The following GPR137C variants were observed in gnomAD, a reference collection of about 807,000 sequenced individuals.
The protein encoded by GPR137C is G protein-coupled receptor 137C.
GPR137C carries 27 observed loss-of-function variants against 43.4 expected under a neutral mutation model. The ratio of observed to expected loss-of-function variants is 0.62; its 90% confidence interval spans 0.46 to 0.86. The LOEUF (loss-of-function observed/expected upper bound fraction) is 0.86, where lower values mean the gene tolerates loss of function less well. GPR137C is among the 40% of genes least tolerant of loss of function. The probability of loss-of-function intolerance (pLI) is 0.00; values close to 1 mark genes in which losing one functional copy is unlikely to be tolerated. For missense variants in GPR137C, 522 were observed against 534.6 expected, an observed-to-expected ratio of 0.98 and a Z score of 0.23; for synonymous variants, 285 against 226.9, an observed-to-expected ratio of 1.26 and a Z score of -2.30.
intron 3 of GPR137C, chr14:52,611,623 G>T (rs1222692255): frequency 1.1e-5 from 6 of 525,728 alleles, no homozygotes; most frequent in African/African-American, 6.2e-5. Flanking sequence ...AACTTTTTTT[G>T]ACTTTTTAGT....
At position 52,553,332 on chromosome 14, in the gene GPR137C, C is replaced by G; in HGVS notation, c.185C>G (p.Ala62Gly). 1.9e-6 allele frequency: 3 copies of G among 1,597,962 alleles called. No homozygotes were observed. Among genetic ancestry groups the G allele is most frequent in the Non-Finnish European group, 2.5e-6 (3 of 1,176,894 alleles). ...LHALLYAALF[A>G]FAYLQLWRLL... Reference sequence around the variant, plus strand: ...GCCCTGCTCTACGCCGCGCTGTTCGCCTTTGCCTACCTGCAGCTGTGGCGG... The same window carrying G: ...GCCCTGCTCTACGCCGCGCTGTTCGGCTTTGCCTACCTGCAGCTGTGGCGG... The change falls in exon 1 of 7, where the codon GCC (alanine) becomes GGC (glycine). Residue 62 changes from alanine (A) to glycine (G), a missense_variant. By Grantham distance (60) the Ala-to-Gly change is moderately conservative. Coordinates refer to ENST00000321662, the MANE Select transcript of GPR137C (RefSeq NM_001099652.2).
chr14:52,615,583 C>T (rs1285688821), intron 3 of GPR137C, among the ~76,000 whole-genome samples: 1 of 151,468 alleles, frequency 6.6e-6, no homozygotes, highest in East Asian at 1.9e-4. Context: ...TTGATTCTTC[C>T]AATCCATGAA....
intron 1 of GPR137C, among the ~76,000 whole-genome samples, chr14:52,580,011 A>G (rs2139481508): frequency 6.6e-6 from 1 of 152,362 alleles, no homozygotes; most frequent in South Asian, 2.1e-4. Context: ...CCAGATTTCC[A>G]AATGCCAGCC....
chr14:52,553,801 C>G (rs1229457742), intron 1 of GPR137C, among the ~76,000 whole-genome samples: 1 of 152,124 alleles, frequency 6.6e-6, no homozygotes. Flanking sequence ...GGGGTTCGGG[C>G]TAGGGGGTGA....
chr14:52,553,623 G>A (rs1361202190), intron 1 of GPR137C, 32 bp downstream of exon 1: 5 of 1,512,614 alleles, frequency 3.3e-6, no homozygotes, highest in Non-Finnish European at 4.4e-6. Flanking sequence ...GCGGGGCCCG[G>A]GCGGGTGCGC....
intron 3 of GPR137C, among the ~76,000 whole-genome samples, chr14:52,616,728 A>G (rs1192225981): frequency 2.0e-5 from 3 of 152,184 alleles, no homozygotes; most frequent in African/African-American, 7.2e-5. Context: ...TAAACTCTCA[A>G]CTGTTAAATT....
intron 4 of GPR137C, among the ~76,000 whole-genome samples, chr14:52,632,838 TCTAA>T (rs2039310364): frequency 6.6e-6 from 1 of 152,112 alleles, no homozygotes; most frequent in African/African-American, 2.4e-5. Flanking sequence ...TTCCCAGTAC[TCTAA>T]CTACGCATAT....
chr14:52,553,193 G>T lies in GPR137C; in HGVS notation c.46G>T (p.Ala16Ser). Residue 16 changes from alanine to serine, a missense_variant, in exon 1 of 7, where the codon GCC becomes TCC. Ala to Ser is a moderately conservative substitution (Grantham distance 99). Transcript: ENST00000321662. ...TCCGGCGGCCGCTGCCGCCCCCGCA[G>T]CCGGCCGCGAGCCCTCCACGCCCGG... ...PGPAAAAAPA[A>S]GREPSTPGGG... 2 of 1,209,830 alleles carry T rather than the reference G, an allele frequency of 1.7e-6. No homozygotes were observed. The highest frequency in any genetic ancestry group is 2.1e-6 in the Non-Finnish European group (2 of 974,804). The allele number at this position is 1,209,830 out of a possible 1,614,324, so 74.9% of individuals were successfully genotyped here. A position where few individuals can be genotyped will look rare whatever the true frequency, so the allele number is the denominator to read the frequency against.
chr14:52,580,966 A>G (rs1471683429), intron 1 of GPR137C, among the ~76,000 whole-genome samples: 1 of 150,868 alleles, frequency 6.6e-6, no homozygotes, highest in East Asian at 1.9e-4. Flanking sequence ...TGGGAGGCTG[A>G]GACAGGTGGA....
chr14:52,632,358 A>C, intron 4 of GPR137C, 49 bp downstream of exon 4: 1 of 1,351,092 alleles, frequency 7.4e-7, no homozygotes, highest in Non-Finnish European at 1.0e-6. Flanking sequence ...TAATTAACTT[A>C]CCCTCATCTA....
chr14:52,609,191 G>A (rs909826005), intron 3 of GPR137C, among the ~76,000 whole-genome samples: 1 of 151,766 alleles, frequency 6.6e-6, no homozygotes, highest in African/African-American at 2.4e-5. Context: ...AACCAATTCT[G>A]CTGTTGCTCC....
intron 3 of GPR137C, among the ~76,000 whole-genome samples, chr14:52,616,469 A>G (rs1257302027): frequency 3.3e-5 from 5 of 152,062 alleles, no homozygotes; most frequent in Non-Finnish European, 5.9e-5. Flanking sequence ...TAATTTTTGT[A>G]TTGTAAGTAC....
intron 1 of GPR137C, among the ~76,000 whole-genome samples, chr14:52,584,793 G>A (rs938895340): frequency 2.6e-5 from 4 of 152,116 alleles, no homozygotes; most frequent in Non-Finnish European, 4.4e-5. Flanking sequence ...CAGAGACAGA[G>A]CCTTGCTATG....
intron 1 of GPR137C, among the ~76,000 whole-genome samples, chr14:52,558,773 A>G (rs976104837): frequency 6.6e-6 from 1 of 152,214 alleles, no homozygotes; most frequent in Non-Finnish European, 1.5e-5. Context: ...TTAATGAAAA[A>G]ATTAAAAACT....
At chr14:52,577,516 G>GCGCGCACACACACA (rs369713179) in intron 1 of GPR137C, among the ~76,000 whole-genome samples, 45 of 145,506 alleles carry the variant, frequency 3.1e-4, no homozygotes, top group East Asian at 6.1e-4. Context: ...GCGCGCGCGC[G>GCGCGCACACACACA]CACACACACA....
intron 1 of GPR137C, among the ~76,000 whole-genome samples, chr14:52,562,539 C>G (rs1183206894): frequency 6.6e-6 from 1 of 152,150 alleles, no homozygotes; most frequent in Non-Finnish European, 1.5e-5. Context: ...AGGAGGATCA[C>G]TTGAGCCCAG....
intron 3 of GPR137C, among the ~76,000 whole-genome samples, chr14:52,609,153 G>A (rs985423673): frequency 2.0e-5 from 3 of 151,808 alleles, no homozygotes; most frequent in Non-Finnish European, 4.4e-5. Context: ...CAGCTAGTCT[G>A]TTTTCAAGCT....
intron 1 of GPR137C, among the ~76,000 whole-genome samples, chr14:52,581,550 A>C (rs1366607784): frequency 6.6e-6 from 1 of 152,100 alleles, no homozygotes; most frequent in Non-Finnish European, 1.5e-5. Flanking sequence ...AAAAAAAGAA[A>C]GAAAGTGAAC....
rs1362407836 is a variant in GPR137C, at chr14:52,635,103, A to C, written c.1278A>C (p.Thr426=). 6.4e-7 allele frequency: 1 copy of C among 1,566,002 alleles called. No individual in the cohort carries two copies. Among genetic ancestry groups the C allele is most frequent in the Non-Finnish European group, 8.6e-7 (1 of 1,160,332 alleles). The change falls in exon 7 of 7, where the codon ACA becomes ACC. Residue 426 remains threonine (T), a synonymous_variant. Coordinates refer to ENST00000321662, the MANE Select transcript of GPR137C (RefSeq NM_001099652.2). ...DLNNHHSLYV[T]PQN ...ACAATCATCATAGCTTATATGTGACACCACAAAACTGACAGCATCACCAAG... is the reference window on the plus strand; with the variant it reads ...ACAATCATCATAGCTTATATGTGACCCCACAAAACTGACAGCATCACCAAG...
Sources: gnomAD v4.1 joint callset for allele counts (sites outside exome capture counted in the v4.1 genomes callset) on GRCh38, gnomAD v4.1.1 for gene constraint, MANE v1.5 for transcripts, NCBI Gene and HGNC (gene_info 2026-07-23, HGNC 2026-07-21) for gene names.